The following CACNB2 variants were observed in gnomAD, a reference collection of about 807,000 sequenced individuals.
CACNB2 encodes voltage-dependent L-type calcium channel subunit beta-2.
A neutral mutation model predicts 73.3 loss-of-function variants in CACNB2; 42 were observed. The ratio of observed to expected loss-of-function variants is 0.57; its 90% CI spans 0.45 to 0.74. The LOEUF is 0.74. Among genes scored for constraint, CACNB2 ranks in the 30% least tolerant of loss-of-function variants. The pLI is 0.00. For missense variants in CACNB2, 940 were observed against 853.0 expected (o/e 1.10, Z -1.27); for synonymous variants, 348 against 310.3 (o/e 1.12, Z -1.28).
At chr10:18,476,967 C>T (rs983088370) in intron 3 of CACNB2, among the ~76,000 whole-genome samples, 1 of 151,758 alleles carries the variant, frequency 6.6e-6, no homozygotes, top group Non-Finnish European at 1.5e-5. Context: ...TAGCAGTGAG[C>T]CAAGATTGTG....
intron 8 of CACNB2, 142 bp from the exon 9 acceptor site, chr10:18,518,767 GA>G: frequency 2.7e-6 from 2 of 738,540 alleles, no homozygotes; most frequent in Non-Finnish European, 4.7e-6. Flanking sequence ...CTCAGAAGCA[GA>G]AAAATGCGGC....
At chr10:18,411,790 G>A (rs75679864) in intron 3 of CACNB2, among the ~76,000 whole-genome samples, 2 of 152,146 alleles carry the variant, frequency 1.3e-5, no homozygotes, top group East Asian at 1.9e-4. Flanking sequence ...TTACAGGCGT[G>A]AGCCACTGTG....
intron 2 of CACNB2, among the ~76,000 whole-genome samples, chr10:18,343,531 C>T (rs568563547): frequency 2.6e-5 from 4 of 152,146 alleles, no homozygotes; most frequent in East Asian, 1.9e-4. Context: ...TTTTTTAAAA[C>T]GATCAGAGTA....
rs540918231 is a variant in CACNB2, at chr10:18,275,628, A to G, written c.213+124653A>G. Reference sequence around the variant, plus strand: ...CATAAACTAAAAGTTGAAGATTTAAAAAAAGAAAAATAAAATTTATTTTTC... The same window carrying G: ...CATAAACTAAAAGTTGAAGATTTAAGAAAAGAAAAATAAAATTTATTTTTC... On this transcript the variant is annotated intron_variant, in intron 2 of 13. Coordinates refer to ENST00000324631, the MANE Select transcript of CACNB2 (RefSeq NM_201596.3). Among the ~76,000 whole-genome samples the G allele has an allele frequency of 2.0e-5, 3 of 152,306 alleles. No homozygotes were observed. The East Asian group carries it at 5.8e-4, about 29-fold the overall frequency.
At chr10:18,266,546 C>T (rs1021743977) in intron 2 of CACNB2, among the ~76,000 whole-genome samples, 1 of 151,554 alleles carries the variant, frequency 6.6e-6, no homozygotes, top group Non-Finnish European at 1.5e-5. Context: ...GTTGTTCACT[C>T]ACAATTCATA....
At chr10:18,484,728 G>T (rs747209462) in intron 3 of CACNB2, among the ~76,000 whole-genome samples, 3 of 152,140 alleles carry the variant, frequency 2.0e-5, no homozygotes, top group Non-Finnish European at 4.4e-5. Context: ...TTTCAACCAC[G>T]CAGTGCTGGA....
chr10:18,390,735 CAG>C (rs2043431214), intron 2 of CACNB2, among the ~76,000 whole-genome samples: 1 of 152,136 alleles, frequency 6.6e-6, no homozygotes, highest in Non-Finnish European at 1.5e-5. Context: ...ATAGGAATGT[CAG>C]GGGTAGTGCA....
chr10:18,417,492 C>T (rs1226724574), intron 3 of CACNB2, among the ~76,000 whole-genome samples: 1 of 151,072 alleles, frequency 6.6e-6, no homozygotes, highest in African/African-American at 2.4e-5. Flanking sequence ...CCTCAGCCTC[C>T]CTAGTAGCTG....
At chr10:18,200,400 G>T (rs1052764778) in intron 2 of CACNB2, among the ~76,000 whole-genome samples, 2 of 151,938 alleles carry the variant, frequency 1.3e-5, no homozygotes, top group African/African-American at 4.8e-5. Context: ...TATATCTTAT[G>T]ACTTACATGA....
intron 3 of CACNB2, among the ~76,000 whole-genome samples, chr10:18,433,463 A>C (rs2132853729): frequency 6.6e-6 from 1 of 152,304 alleles, no homozygotes; most frequent in East Asian, 1.9e-4. Context: ...GTTGTTATCC[A>C]AGACCAAGCA....
rs557805225 is a variant in CACNB2 at position 18,340,765 on chromosome 10, CACTA to C, written c.214-61153_214-61150del. ...TGATCCGACGAACTTTAGAAAGTCA[CACTA>C]ACTAAGACTACACACCCCAAGCCAG... is the stretch of plus-strand genomic sequence containing the variant. On this transcript the variant is annotated intron_variant, in intron 2 of 13. Transcript: ENST00000324631. 42 of 1,536,954 alleles carry C rather than the reference CACTA, an allele frequency of 2.7e-5. 2 individuals carry two copies. The highest frequency in any genetic ancestry group is 2.7e-4 in the South Asian group (21 of 79,192).
At chr10:18,299,736 T>C (rs769931880) in intron 2 of CACNB2, among the ~76,000 whole-genome samples, 96 of 152,138 alleles carry the variant, frequency 6.3e-4, no homozygotes, top group Admixed American at 2.9e-3. Context: ...AAAAAAACTT[T>C]CTTCACCTGC....
intron 3 of CACNB2, among the ~76,000 whole-genome samples, chr10:18,478,034 T>A (rs1359493165): frequency 6.6e-6 from 1 of 152,108 alleles, no homozygotes; most frequent in Non-Finnish European, 1.5e-5. Context: ...TGGGTTCAAG[T>A]GATTCTCCTG....
At chr10:18,152,709 CAAAAAAAA>C (rs772732675) in intron 2 of CACNB2, among the ~76,000 whole-genome samples, 2 of 49,352 alleles carry the variant, frequency 4.1e-5, no homozygotes, top group African/African-American at 7.7e-5. Context: ...TGAAACAGAC[CAAAAAAAA>C]AAAAAAAAAA....
chr10:18,490,154 C>G (rs978430780), intron 3 of CACNB2, among the ~76,000 whole-genome samples: 1 of 152,198 alleles, frequency 6.6e-6, no homozygotes, highest in Non-Finnish European at 1.5e-5. Flanking sequence ...AGCCACTGCA[C>G]TCCACCAAAC....
At chr10:18,337,301 T>C (rs1009211351) in intron 2 of CACNB2, among the ~76,000 whole-genome samples, 2 of 152,096 alleles carry the variant, frequency 1.3e-5, no homozygotes, top group African/African-American at 4.8e-5. Flanking sequence ...GAGGTCTTTC[T>C]TTATTGCCCA....
At chr10:18,433,285 T>C (rs964525704) in intron 3 of CACNB2, among the ~76,000 whole-genome samples, 1 of 152,170 alleles carries the variant, frequency 6.6e-6, no homozygotes, top group Non-Finnish European at 1.5e-5. Context: ...GTTTTAGAAA[T>C]GGCAAGCAGT....
intron 1 of CACNB2, 54 bp downstream of exon 1, chr10:18,140,910 C>A (rs559931446): frequency 1.3e-6 from 2 of 1,554,212 alleles, no homozygotes; most frequent in East Asian, 2.4e-5. Flanking sequence ...GGCAGGGCAC[C>A]GACCTCGGGT....
intron 2 of CACNB2, among the ~76,000 whole-genome samples, chr10:18,178,087 A>G (rs574406440): frequency 6.6e-6 from 1 of 152,108 alleles, no homozygotes; most frequent in Non-Finnish European, 1.5e-5. Context: ...TTGCATTGGG[A>G]TGCATACTTC....
Sources: gnomAD v4.1 joint callset for allele counts (sites outside exome capture counted in the v4.1 genomes callset) on GRCh38, gnomAD v4.1.1 for gene constraint, MANE v1.5 for transcripts, NCBI Gene and HGNC (gene_info 2026-07-23, HGNC 2026-07-21) for gene names.